The following HMCN1 variants were observed in gnomAD, a reference collection of about 807,000 sequenced individuals.
The protein encoded by HMCN1 is hemicentin 1, also known as hemicentin-1.
In HMCN1, 321 loss-of-function variants were observed where a neutral mutation model predicts 625.9. The ratio of observed to expected loss-of-function variants is 0.51; its 90% CI spans 0.47 to 0.56. HMCN1 has a LOEUF of 0.56. Ranked by LOEUF, HMCN1 falls within the 20% of genes least tolerant of loss-of-function variation. HMCN1 has a pLI of 0.00. For missense variants in HMCN1, 6,588 were observed against 6,887.3 expected (o/e 0.96, Z 1.54); for synonymous variants, 2,425 against 2,417.6 (o/e 1.00, Z -0.09).
chr1:186,088,468 T>C lies in HMCN1; in HGVS notation c.9578-138T>C, dbSNP rs1019402049. 30 of 1,349,532 alleles carry C rather than the reference T, an allele frequency of 2.2e-5. No individual in the cohort carries two copies. In the African/African-American group the frequency reaches 4.0e-4, roughly 18 times the overall value. The allele number at this position is 1,349,532 out of a possible 1,614,324, so 83.6% of individuals were successfully genotyped here. ...GATTAGTCATTTTATAAAGAATTTT[T>C]TCTTTTTTAAAAAAGAAAATGGAGA... On this transcript the variant is annotated intron_variant, in intron 62 of 106. Coordinates refer to ENST00000271588, the MANE Select transcript of HMCN1 (RefSeq NM_031935.3).
chr1:185,885,671 C>T (rs954995660), intron 4 of HMCN1, among the ~76,000 whole-genome samples: 2 of 151,956 alleles, frequency 1.3e-5, no homozygotes, highest in Non-Finnish European at 2.9e-5. Flanking sequence ...ATAAACATCA[C>T]TGTATGTCTA....
intron 1 of HMCN1, among the ~76,000 whole-genome samples, chr1:185,817,975 A>G (rs758837262): frequency 6.6e-6 from 1 of 151,956 alleles, no homozygotes; most frequent in Non-Finnish European, 1.5e-5. Context: ...TTATTCCTCC[A>G]TTCCTCCACC....
In HMCN1 at chr1:186,174,508, C is replaced by T. The variant is rs1652436809; in HGVS notation, c.15815-6C>T. 6.2e-7 allele frequency: 1 copy of T among 1,613,634 alleles called. No homozygotes were observed. Among genetic ancestry groups the T allele is most frequent in the Non-Finnish European group, 8.5e-7 (1 of 1,179,652 alleles). On this transcript the variant is annotated splice_region_variant and splice_polypyrimidine_tract_variant and intron_variant, in intron 102 of 106. Transcript: ENST00000271588. ...ATGTTACTTCTCATTGCCTCCATGTCTGTAGATATTGATGAATGTAAAGAT... is the reference window on the plus strand; with the variant it reads ...ATGTTACTTCTCATTGCCTCCATGTTTGTAGATATTGATGAATGTAAAGAT...
intron 36 of HMCN1, among the ~76,000 whole-genome samples, chr1:186,025,712 G>T (rs1320203469): frequency 1.3e-5 from 2 of 152,144 alleles, no homozygotes; most frequent in Non-Finnish European, 2.9e-5. Flanking sequence ...TGCAATTAGG[G>T]TGCACCTCTA....
intron 18 of HMCN1, 67 bp downstream of exon 18, chr1:185,982,456 T>A (rs1270665466): frequency 2.1e-6 from 3 of 1,428,700 alleles, no homozygotes; most frequent in Non-Finnish European, 1.9e-6. Flanking sequence ...TTTTTTTTTT[T>A]CTTTGAGACA....
intron 4 of HMCN1, among the ~76,000 whole-genome samples, chr1:185,892,044 G>A (rs982604645): frequency 1.9e-4 from 28 of 150,916 alleles, no homozygotes; most frequent in African/African-American, 4.7e-4. Flanking sequence ...TTTCCTTCTC[G>A]CTTCATTTCA....
intron 47 of HMCN1, 134 bp from the exon 48 acceptor site, chr1:186,062,380 A>G: frequency 1.5e-6 from 1 of 685,802 alleles, no homozygotes. Context: ...ATGACATTCT[A>G]GCAATCAAAT....
At chr1:186,011,546 A>T (rs1654005624) in intron 30 of HMCN1, among the ~76,000 whole-genome samples, 1 of 152,228 alleles carries the variant, frequency 6.6e-6, no homozygotes, top group South Asian at 2.1e-4. Context: ...GGTGAAGGTT[A>T]GGTGGAAAGC....
intron 87 of HMCN1, 53 bp downstream of exon 87, chr1:186,136,990 A>G (rs1558251020): frequency 6.9e-6 from 11 of 1,594,754 alleles, no homozygotes; most frequent in Middle Eastern, 1.7e-4. Context: ...GGTGACTCAA[A>G]TCATGGAAAT....
chr1:186,094,533 A>G (rs925413565), intron 67 of HMCN1, among the ~76,000 whole-genome samples, 160 bp downstream of exon 67: 2 of 152,162 alleles, frequency 1.3e-5, no homozygotes, highest in African/African-American at 4.8e-5. Context: ...TTTTCTTCCA[A>G]GGGGTCCATA....
chr1:185,781,949 T>A (rs1657150863), intron 1 of HMCN1, among the ~76,000 whole-genome samples: 1 of 152,172 alleles, frequency 6.6e-6, no homozygotes, highest in Non-Finnish European at 1.5e-5. Flanking sequence ...AGTGGGGTGT[T>A]AAAGTCTCCC....
In HMCN1 at chr1:185,997,528, C is replaced by A; in HGVS notation, c.3874+4C>A. Reference sequence around the variant, plus strand: ...GAATTTCCATGTCCTGCAAAAGGTACGTAATACTGAAAGATATAGGCATTG... The same window carrying A: ...GAATTTCCATGTCCTGCAAAAGGTAAGTAATACTGAAAGATATAGGCATTG... On this transcript the variant is annotated splice_donor_region_variant and intron_variant, in intron 25 of 106. Coordinates refer to ENST00000271588, the MANE Select transcript of HMCN1 (RefSeq NM_031935.3). 6.3e-7 allele frequency: 1 copy of A among 1,583,852 alleles called. No homozygotes were observed. The highest frequency in any genetic ancestry group is 8.7e-7 in the Non-Finnish European group (1 of 1,153,278).
At chr1:186,024,557 G>A (rs1236103580) in intron 36 of HMCN1, among the ~76,000 whole-genome samples, 3 of 152,084 alleles carry the variant, frequency 2.0e-5, no homozygotes, top group Admixed American at 2.0e-4. Context: ...AATCATCTTA[G>A]GCGCTTAGGA....
chr1:185,751,313 C>T (rs988247475), intron 1 of HMCN1, among the ~76,000 whole-genome samples: 1 of 152,034 alleles, frequency 6.6e-6, no homozygotes, highest in African/African-American at 2.4e-5. Flanking sequence ...TCTAACTTAG[C>T]CCATTGAAGA....
intron 1 of HMCN1, among the ~76,000 whole-genome samples, chr1:185,837,774 G>A (rs1270851220): frequency 6.6e-6 from 1 of 152,088 alleles, no homozygotes; most frequent in Non-Finnish European, 1.5e-5. Flanking sequence ...ACAGTAAATG[G>A]TTCCTCTTTT....
chr1:185,987,163 T>C (rs1226150332), intron 19 of HMCN1, among the ~76,000 whole-genome samples: 1 of 152,036 alleles, frequency 6.6e-6, no homozygotes, highest in Non-Finnish European at 1.5e-5. Flanking sequence ...TCTTCAGTCC[T>C]CTCTTATTTT....
At chr1:185,849,652 G>A (rs1662041163) in intron 2 of HMCN1, among the ~76,000 whole-genome samples, 1 of 152,156 alleles carries the variant, frequency 6.6e-6, no homozygotes, top group South Asian at 2.1e-4. Context: ...GAGGCATAGG[G>A]TATGAAACTG....
chr1:186,007,358 A>C, intron 30 of HMCN1, 76 bp downstream of exon 30: 1 of 1,307,268 alleles, frequency 7.6e-7, no homozygotes, highest in Non-Finnish European at 1.1e-6. Context: ...TGGTAACTAC[A>C]CTCTTATTTC....
chr1:185,987,471 C>A lies in HMCN1; in HGVS notation c.2975C>A (p.Thr992Lys), dbSNP rs1229785871. 5.0e-6 allele frequency: 8 copies of A among 1,613,866 alleles called. No homozygotes were observed. Among genetic ancestry groups the A allele is most frequent in the Admixed American group, 1.7e-5 (1 of 60,022 alleles). ...TIQHGQQILS[T>K]IEGIPVTLPC... ...CAGCATGGGCAGCAGATACTCAGTA[C>A]AATTGAAGGCATTCCAGTAACTTTA... is the stretch of plus-strand genomic sequence containing the variant. The change falls in exon 20 of 107, where the codon ACA becomes AAA. Residue 992 changes from threonine (T) to lysine (K), a missense_variant. Physicochemically the swap from Thr to Lys is moderately conservative, Grantham distance 78. Transcript: ENST00000271588.
Sources: gnomAD v4.1 joint callset for allele counts (sites outside exome capture counted in the v4.1 genomes callset) on GRCh38, gnomAD v4.1.1 for gene constraint, MANE v1.5 for transcripts, NCBI Gene and HGNC (gene_info 2026-07-23, HGNC 2026-07-21) for gene names.